AFTPH: variants seen among roughly 807,000 people sequenced by gnomAD.
AFTPH encodes aftiphilin protein.
A neutral mutation model predicts 72.5 loss-of-function variants in AFTPH; 7 were observed. The ratio of observed to expected loss-of-function variants is 0.10; its 90% CI spans 0.05 to 0.18. The LOEUF (loss-of-function observed/expected upper bound fraction) is 0.18. Among genes scored for constraint, AFTPH ranks in the 10% least tolerant of loss-of-function variants. The pLI, the probability that AFTPH is intolerant of heterozygous loss-of-function variation, is 1.00. For synonymous variants in AFTPH, 337 were observed against 370.1 expected (o/e 0.91, Z 1.03); for missense variants, 979 against 1,060.5 (o/e 0.92, Z 1.07).
intron 7 of AFTPH, 31 bp downstream of exon 7, chr2:64,579,577 G>A: frequency 6.3e-7 from 1 of 1,589,684 alleles, no homozygotes; most frequent in Non-Finnish European, 8.6e-7. Context: ...TCTAGCACCA[G>A]AGCTAGAGTT....
intron 2 of AFTPH, among the ~76,000 whole-genome samples, chr2:64,553,660 C>T (rs1038669145): frequency 8.1e-5 from 12 of 147,686 alleles, no homozygotes; most frequent in African/African-American, 2.2e-4. Flanking sequence ...TACAGATACT[C>T]ATCAACTTGG....
exon 6 of AFTPH, chr2:64,572,974 T>C (rs1672536304): frequency 6.2e-6 from 10 of 1,614,116 alleles, no homozygotes; most frequent in Non-Finnish European, 8.5e-6. Context: ...AAGGAACCAC[T>C]GAAACCACTT....
intron 6 of AFTPH, among the ~76,000 whole-genome samples, chr2:64,576,306 C>T (rs1439849328): frequency 6.6e-6 from 1 of 151,882 alleles, no homozygotes; most frequent in Non-Finnish European, 1.5e-5. Context: ...GGCTTTCAAA[C>T]TTAGCACAAG....
At chr2:64,548,070 T>C (rs555688212) in intron 1 of AFTPH, among the ~76,000 whole-genome samples, 70 of 146,888 alleles carry the variant, frequency 4.8e-4, no homozygotes, top group African/African-American at 1.5e-3. Flanking sequence ...GGATTACAGG[T>C]GTGAGCCACT....
chr2:64,580,433 T>C (rs537664537), intron 7 of AFTPH: 2 of 152,540 alleles, frequency 1.3e-5, no homozygotes, highest in African/African-American at 2.4e-5. Context: ...CTGGATGCAC[T>C]TTTTGCTGTT....
chr2:64,578,485 T>C (rs141490284), intron 6 of AFTPH, among the ~76,000 whole-genome samples: 2 of 152,306 alleles, frequency 1.3e-5, no homozygotes, highest in African/African-American at 4.8e-5. Context: ...TTGCACTGCC[T>C]TCCATCTTAA....
intron 1 of AFTPH, among the ~76,000 whole-genome samples, chr2:64,531,483 C>T (rs901120095): frequency 6.6e-6 from 1 of 152,070 alleles, no homozygotes; most frequent in Non-Finnish European, 1.5e-5. Flanking sequence ...TGATTTAAAC[C>T]TGAGATATGC....
intron 6 of AFTPH, among the ~76,000 whole-genome samples, chr2:64,577,267 C>T (rs1329518353): frequency 6.6e-6 from 1 of 152,194 alleles, no homozygotes; most frequent in Non-Finnish European, 1.5e-5. Context: ...CATTCTCAAG[C>T]TTTCTCTGAG....
At chr2:64,559,570 A>G (rs1473270900) in intron 2 of AFTPH, among the ~76,000 whole-genome samples, 8 of 152,192 alleles carry the variant, frequency 5.3e-5, no homozygotes, top group East Asian at 1.9e-4. Flanking sequence ...TTTTTGTTCT[A>G]TTCAGGTCTT....
At chr2:64,531,454 A>G (rs544369136) in intron 1 of AFTPH, among the ~76,000 whole-genome samples, 1 of 152,318 alleles carries the variant, frequency 6.6e-6, no homozygotes, top group East Asian at 1.9e-4. Context: ...GAATGTTTGC[A>G]TAATTTAAAA....
intron 6 of AFTPH, among the ~76,000 whole-genome samples, chr2:64,576,893 G>T (rs1672842212): frequency 6.8e-6 from 1 of 146,840 alleles, no homozygotes; most frequent in South Asian, 2.1e-4. Flanking sequence ...TGAGTAGCTG[G>T]GATTGCAGGC....
chr2:64,528,729 A>G (rs903618480), intron 1 of AFTPH, among the ~76,000 whole-genome samples: 1 of 152,174 alleles, frequency 6.6e-6, no homozygotes, highest in Non-Finnish European at 1.5e-5. Flanking sequence ...GGTGGATAGA[A>G]TAGGGTGAAC....
intron 2 of AFTPH, among the ~76,000 whole-genome samples, chr2:64,566,758 GTTAATAAAAATACT>G (rs1032742864): frequency 2.0e-5 from 3 of 149,234 alleles, no homozygotes; most frequent in Non-Finnish European, 4.4e-5. Flanking sequence ...GCAAGTTTTA[GTTAATAAAAATACT>G]TTAAAAAAAA....
intron 7 of AFTPH, among the ~76,000 whole-genome samples, chr2:64,583,560 G>A (rs1044946101): frequency 3.9e-5 from 6 of 152,082 alleles, no homozygotes; most frequent in Non-Finnish European, 7.4e-5. Flanking sequence ...TCAGAATGCA[G>A]TTATTTATTC....
At chr2:64,561,175 C>A (rs1671717592) in intron 2 of AFTPH, among the ~76,000 whole-genome samples, 1 of 152,192 alleles carries the variant, frequency 6.6e-6, no homozygotes, top group Admixed American at 6.5e-5. Context: ...TTTAATCCTA[C>A]ATTTATCAGA....
chr2:64,535,960 A>T (rs767639354), intron 1 of AFTPH, among the ~76,000 whole-genome samples: 2 of 152,210 alleles, frequency 1.3e-5, no homozygotes, highest in Non-Finnish European at 2.9e-5. Flanking sequence ...CAAATACAGT[A>T]AGAGATATTA....
chr2:64,567,689 C>T (rs781022622), exon 3 of AFTPH: 14 of 1,613,116 alleles, frequency 8.7e-6, no homozygotes, highest in East Asian at 4.5e-5. Context: ...CCAATAAAAA[C>T]GAGAGAGGCC....
chr2:64,577,584 C>T (rs891213455), intron 6 of AFTPH, among the ~76,000 whole-genome samples: 3 of 152,176 alleles, frequency 2.0e-5, no homozygotes, highest in Non-Finnish European at 4.4e-5. Flanking sequence ...TCCATTCATT[C>T]AGTGTTGAAT....
chr2:64,584,122 G>A (rs1325371179), intron 7 of AFTPH, among the ~76,000 whole-genome samples: 5 of 151,830 alleles, frequency 3.3e-5, no homozygotes, highest in Non-Finnish European at 5.9e-5. Flanking sequence ...GTTAACGCCC[G>A]GCAACTCATG....
Sources: gnomAD v4.1 joint callset for allele counts (sites outside exome capture counted in the v4.1 genomes callset) on GRCh38, gnomAD v4.1.1 for gene constraint, MANE v1.5 for transcripts, NCBI Gene and HGNC (gene_info 2026-07-23, HGNC 2026-07-21) for gene names.